Variants in NAE1 observed in about 807,000 individuals in gnomAD.
NAE1 encodes the protein NEDD8 activating enzyme E1 subunit 1.
A neutral mutation model predicts 88.0 loss-of-function variants in NAE1; 59 were observed. The observed-to-expected ratio is 0.67, with a 90% CI of 0.54 to 0.83. NAE1 has a LOEUF of 0.83. NAE1 is among the 40% of genes least tolerant of loss of function. The probability of loss-of-function intolerance (pLI) is 0.00; values close to 1 mark genes in which losing one functional copy is unlikely to be tolerated. For synonymous variants in NAE1, 186 were observed against 208.9 expected, an observed-to-expected ratio of 0.89 and a Z score of 0.95; for missense variants, 554 against 632.8, an observed-to-expected ratio of 0.88 and a Z score of 1.34.
In NAE1 at chr16:66,830,930, G is replaced by T; in HGVS notation, c.-31C>A. On this transcript the variant is annotated 5_prime_UTR_variant, in exon 1 of 20. Coordinates refer to ENST00000290810, the MANE Select transcript of NAE1 (RefSeq NM_003905.4). ...CGCCTGCCGCGCGGAAAACAGCCGAGCCCCTGCGGAGCGCCGCCACCAGCT... is the reference window on the plus strand; with the variant it reads ...CGCCTGCCGCGCGGAAAACAGCCGATCCCCTGCGGAGCGCCGCCACCAGCT... The T allele has an allele frequency of 2.7e-6, 4 of 1,507,430 alleles. No homozygotes were observed. The highest frequency in any genetic ancestry group is 1.4e-5 in the African/African-American group (1 of 68,992). The allele number at this position is 1,507,430 out of a possible 1,614,324, so 93.4% of individuals were successfully genotyped here. A position where few individuals can be genotyped will look rare whatever the true frequency, so the allele number is the denominator to read the frequency against.
chr16:66,806,426 A>G (rs1959567872), intron 17 of NAE1, among the ~76,000 whole-genome samples: 1 of 152,058 alleles, frequency 6.6e-6, no homozygotes, highest in South Asian at 2.1e-4. Flanking sequence ...AATAATAGGT[A>G]ACTTTTTTTT....
chr16:66,826,756 C>T lies in NAE1; in HGVS notation c.78G>A (p.Glu26=). ...QLRLWGDHGQ[E]ALESAHVCLI... ...GGCAAACATGAGCAGATTCTAAAGC[C>T]TCTTGCCCATGATCACCCCACAACC... Residue 26 remains glutamate, a synonymous_variant, in exon 2 of 20, where the codon GAG becomes GAA. Coordinates refer to ENST00000290810, the MANE Select transcript of NAE1 (RefSeq NM_003905.4). The T allele has an allele frequency of 6.2e-7, 1 of 1,613,734 alleles. No individual in the cohort carries two copies. Among genetic ancestry groups the T allele is most frequent in the African/African-American group, 1.3e-5 (1 of 75,022 alleles).
chr16:66,814,604 A>T (rs1263796974), intron 11 of NAE1, among the ~76,000 whole-genome samples: 1 of 108,224 alleles, frequency 9.2e-6, no homozygotes, highest in African/African-American at 4.2e-5. Flanking sequence ...AAAAAAAAAA[A>T]AAAAATACAC....
intron 1 of NAE1, among the ~76,000 whole-genome samples, chr16:66,830,093 C>G (rs1464347665): frequency 6.6e-6 from 1 of 151,992 alleles, no homozygotes; most frequent in African/African-American, 2.4e-5. Context: ...CACCATGTTG[C>G]CCAGGCTGGT....
At chr16:66,804,175 C>T (rs1959469497) in intron 19 of NAE1, among the ~76,000 whole-genome samples, 1 of 151,290 alleles carries the variant, frequency 6.6e-6, no homozygotes, top group South Asian at 2.1e-4. Context: ...TTGAATAAAA[C>T]CTGAAGGAAG....
chr16:66,806,777 A>G (rs1237817696), intron 17 of NAE1, among the ~76,000 whole-genome samples: 2 of 152,174 alleles, frequency 1.3e-5, no homozygotes, highest in Non-Finnish European at 2.9e-5. Flanking sequence ...CCTTATATCT[A>G]TATTAATTGA....
Position 66,817,499 on chromosome 16 carries a change from A to G in NAE1, c.622-12T>C, listed in dbSNP as rs1244647871. 6 of 1,529,936 alleles carry G rather than the reference A, an allele frequency of 3.9e-6. No homozygotes were observed. Among genetic ancestry groups the G allele is most frequent in the African/African-American group, 2.8e-5 (2 of 70,922 alleles). The allele number at this position is 1,529,936 out of a possible 1,614,324, so 94.8% of individuals were successfully genotyped here. On this transcript the variant is annotated splice_polypyrimidine_tract_variant and intron_variant, in intron 8 of 19. Coordinates refer to ENST00000290810, the MANE Select transcript of NAE1 (RefSeq NM_003905.4). ...GTATGACTGTGGTCCTAAAAATGAG[A>G]GACAAATAAAAGAAAATATCAGTAT...
intron 11 of NAE1, among the ~76,000 whole-genome samples, chr16:66,814,789 C>G (rs1465868020): frequency 6.6e-6 from 1 of 152,164 alleles, no homozygotes; most frequent in African/African-American, 2.4e-5. Flanking sequence ...ATCCACTTCC[C>G]TGACTGAAAT....
At chr16:66,830,499 C>A (rs1181417338) in intron 1 of NAE1, among the ~76,000 whole-genome samples, 2 of 152,254 alleles carry the variant, frequency 1.3e-5, no homozygotes, top group African/African-American at 4.8e-5. Context: ...ACCTAACCCT[C>A]TGTGCCGCCC....
chr16:66,816,114 T>C (rs1960035821), intron 11 of NAE1, among the ~76,000 whole-genome samples: 1 of 152,192 alleles, frequency 6.6e-6, no homozygotes, highest in African/African-American at 2.4e-5. Flanking sequence ...CCAGGTGTTA[T>C]TCCAAAGCTC....
intron 3 of NAE1, chr16:66,825,969 T>G (rs750011423): frequency 6.5e-6 from 1 of 152,972 alleles, no homozygotes; most frequent in Non-Finnish European, 1.5e-5. Flanking sequence ...TATGAACTAA[T>G]TGCTGGTTTC....
intron 11 of NAE1, among the ~76,000 whole-genome samples, chr16:66,815,744 C>G (rs1960015125): frequency 6.6e-6 from 1 of 151,422 alleles, no homozygotes; most frequent in South Asian, 2.1e-4. Flanking sequence ...TCACTGCAAT[C>G]TCCACCTCCC....
intron 1 of NAE1, among the ~76,000 whole-genome samples, chr16:66,829,771 A>G (rs1292734206): frequency 6.6e-6 from 1 of 152,254 alleles, no homozygotes; most frequent in Non-Finnish European, 1.5e-5. Flanking sequence ...CTGATGGCTT[A>G]GGCCTGCACT....
chr16:66,810,413 C>T lies in NAE1; in HGVS notation c.1111G>A (p.Ala371Thr), dbSNP rs532688856. Reference sequence around the variant, plus strand: ...TCTTTCTCTGAAATGGACTCTGGTGCCTGTAAAGAGATAAATACAGATTCT... The same window carrying T: ...TCTTTCTCTGAAATGGACTCTGGTGTCTGTAAAGAGATAAATACAGATTCT... Reference protein sequence around the residue: ...VAKLLQSIGQAPESISEKELK... With the variant: ...VAKLLQSIGQTPESISEKELK... The change falls in exon 15 of 20, where the codon GCA (alanine) becomes ACA (threonine). Residue 371 changes from alanine (A) to threonine (T), a missense_variant and splice_region_variant. Physicochemically the swap from Ala to Thr is moderately conservative, Grantham distance 58 (BLOSUM62 0). Coordinates refer to ENST00000290810, the MANE Select transcript of NAE1 (RefSeq NM_003905.4). 4 of 1,600,474 alleles carry T rather than the reference C, an allele frequency of 2.5e-6. No homozygotes were observed. The South Asian group carries it at 4.4e-5, about 18-fold the overall frequency.
At position 66,823,251 on chromosome 16, in the gene NAE1, A is replaced by G; in HGVS notation, c.377T>C (p.Val126Ala). Reference protein sequence around the residue: ...DPSFFCRFTVVVATQLPESTS... With the variant: ...DPSFFCRFTVAVATQLPESTS... ...CCTTTCAGGAAGCTGAGTTGCAACT[A>G]CAACAGTAAACCTACAGAAAAATGA... The change falls in exon 6 of 20, where the codon GTA (valine) becomes GCA (alanine). Residue 126 changes from valine (V) to alanine (A), a missense_variant. By Grantham distance (64) the Val-to-Ala change is moderately conservative (BLOSUM62 0). Coordinates refer to ENST00000290810, the MANE Select transcript of NAE1 (RefSeq NM_003905.4). 6.2e-7 allele frequency: 1 copy of G among 1,602,980 alleles called. No individual in the cohort carries two copies. The highest frequency in any genetic ancestry group is 1.1e-5 in the South Asian group (1 of 87,724).
chr16:66,821,617 G>A, intron 6 of NAE1, 58 bp from the exon 7 acceptor site: 2 of 1,383,314 alleles, frequency 1.4e-6, no homozygotes, highest in Admixed American at 2.6e-5. Flanking sequence ...TGCCAAACAT[G>A]AAAACATGCA....
intron 11 of NAE1, among the ~76,000 whole-genome samples, chr16:66,815,443 T>C (rs1960004217): frequency 6.6e-6 from 1 of 152,066 alleles, no homozygotes; most frequent in South Asian, 2.1e-4. Flanking sequence ...AGCCTCAACC[T>C]CCCAGGCTCA....
intron 7 of NAE1, among the ~76,000 whole-genome samples, chr16:66,820,187 TCAC>T (rs1171104636): frequency 2.6e-5 from 4 of 152,224 alleles, no homozygotes; most frequent in East Asian, 1.9e-4. Flanking sequence ...CCAATGGCTA[TCAC>T]CACATTAGCA....
chr16:66,810,252 C>T, intron 15 of NAE1, 122 bp downstream of exon 15: 1 of 718,208 alleles, frequency 1.4e-6, no homozygotes, highest in Non-Finnish European at 2.4e-6. Context: ...CAATAATTAT[C>T]TATATCTATA....
Sources: allele counts gnomAD v4.1 joint callset (sites outside exome capture counted in the v4.1 genomes callset), GRCh38; gene constraint gnomAD v4.1.1; transcripts MANE v1.5; gene names NCBI Gene and HGNC (gene_info 2026-07-23, HGNC 2026-07-21).